C2CD3: variants seen among roughly 807,000 people sequenced by gnomAD.
The protein encoded by C2CD3 is C2 domain-containing protein 3.
C2CD3 carries 148 observed loss-of-function variants against 234.0 expected under a neutral mutation model. That is an observed-to-expected ratio of 0.63 (90% CI 0.55 to 0.72). The LOEUF (loss-of-function observed/expected upper bound fraction) is 0.72, where lower values mean the gene tolerates loss of function less well. C2CD3 is among the 30% of genes least tolerant of loss of function. C2CD3 has a pLI of 0.00. For missense variants in C2CD3, 2,577 were observed against 2,811.5 expected, an observed-to-expected ratio of 0.92 and a Z score of 1.89; for synonymous variants, 1,000 against 1,035.4, an observed-to-expected ratio of 0.97 and a Z score of 0.66.
intron 4 of C2CD3, 145 bp from the exon 5 acceptor site, chr11:74,139,112 T>A: frequency 1.6e-6 from 1 of 620,562 alleles, no homozygotes; most frequent in Non-Finnish European, 2.8e-6. Flanking sequence ...TACAACTTTG[T>A]AAATCTCTTT....
At chr11:74,136,741 A>G (rs564794913) in intron 5 of C2CD3, among the ~76,000 whole-genome samples, 222 of 152,232 alleles carry the variant, frequency 1.5e-3, no homozygotes, top group Non-Finnish European at 2.7e-3. Context: ...GAAGGAACAC[A>G]TCTCCTCTCC....
chr11:74,163,855 G>C (rs567802199), intron 2 of C2CD3, among the ~76,000 whole-genome samples: 1 of 152,302 alleles, frequency 6.6e-6, no homozygotes, highest in South Asian at 2.1e-4. Context: ...ATGTACACAT[G>C]AAGAATAAGG....
rs199662661 is a variant in C2CD3 at position 74,161,505 on chromosome 11, A to C, written c.377T>G (p.Ile126Ser). ...TAGTCCATTGATCTGAACTCTACCA[A>C]TTGGAAGACCATCAAGTTTGGTGAT... ...EVITKLDGLP[I>S]GRVQINGLAQ... Residue 126 changes from isoleucine to serine, a missense_variant, in exon 3 of 33, where the codon ATT (isoleucine) becomes AGT (serine). Coordinates refer to ENST00000334126, the MANE Select transcript of C2CD3 (RefSeq NM_001286577.2). 1.3e-6 allele frequency: 2 copies of C among 1,595,364 alleles called. No individual in the cohort carries two copies. Among genetic ancestry groups the C allele is most frequent in the Non-Finnish European group, 1.7e-6 (2 of 1,170,536 alleles).
Position 74,032,469 on chromosome 11 carries a change from A to C in C2CD3, c.6809+882T>G, listed in dbSNP as rs948406702. 1.3e-5 allele frequency among the ~76,000 whole-genome samples: 2 copies of C among 149,118 alleles called. 1 individual carries two copies. Among genetic ancestry groups the C allele is most frequent in the Admixed American group, 1.3e-4 (2 of 15,232 alleles). On this transcript the variant is annotated intron_variant, in intron 31 of 32. Transcript: ENST00000334126. ...TGCCAGTCTGTGTTTAAAAGGAAGG[A>C]GTGGGGAATGTCAGGTGCCCCCTGT...
chr11:74,082,258 G>A (rs2135470917), intron 22 of C2CD3, among the ~76,000 whole-genome samples: 1 of 151,962 alleles, frequency 6.6e-6, no homozygotes, highest in East Asian at 1.9e-4. Flanking sequence ...TGGGACCACA[G>A]GCGCCTGCTA....
chr11:74,085,926 A>G (rs1321631176), intron 20 of C2CD3, 40 bp from the exon 21 acceptor site: 2 of 1,552,280 alleles, frequency 1.3e-6, no homozygotes, highest in Non-Finnish European at 1.7e-6. Flanking sequence ...ATACCATGGT[A>G]ACATTAGAAA....
At chr11:74,094,024 A>G (rs764170236) in intron 17 of C2CD3, 25 bp from the exon 18 acceptor site, 1 of 1,588,772 alleles carries the variant, frequency 6.3e-7, no homozygotes, top group Non-Finnish European at 8.6e-7. Flanking sequence ...AGCATTTCAG[A>G]ATAATCCAAC....
At chr11:74,120,616 G>A (rs1234960856) in intron 8 of C2CD3, among the ~76,000 whole-genome samples, 2 of 152,176 alleles carry the variant, frequency 1.3e-5, no homozygotes, top group Non-Finnish European at 2.9e-5. Flanking sequence ...ATGGTAGCAT[G>A]ATTTATAATC....
At chr11:74,119,687 G>A (rs949290960) in intron 8 of C2CD3, among the ~76,000 whole-genome samples, 1 of 149,902 alleles carries the variant, frequency 6.7e-6, no homozygotes, top group African/African-American at 2.5e-5. Flanking sequence ...CCAGGCTGGA[G>A]TGCAGTGGCG....
chr11:74,044,560 A>G (rs1953263632), intron 28 of C2CD3, among the ~76,000 whole-genome samples: 1 of 152,030 alleles, frequency 6.6e-6, no homozygotes, highest in South Asian at 2.1e-4. Context: ...CAGTTTTAAA[A>G]TTTTTATTTA....
At chr11:74,072,127 T>G (rs1390284475) in intron 24 of C2CD3, among the ~76,000 whole-genome samples, 1 of 152,250 alleles carries the variant, frequency 6.6e-6, no homozygotes, top group African/African-American at 2.4e-5. Flanking sequence ...AATGGCTGCT[T>G]TGGTGGGGCA....
At chr11:74,066,988 A>C (rs942514418) in intron 24 of C2CD3, among the ~76,000 whole-genome samples, 37 of 152,194 alleles carry the variant, frequency 2.4e-4, no homozygotes, top group African/African-American at 8.7e-4. Context: ...AAATTCATGA[A>C]GGTTTTATAT....
rs752512086 is a variant in C2CD3, at chr11:74,170,750, G to T, written c.43C>A (p.Arg15Ser). The T allele has an allele frequency of 9.3e-6, 15 of 1,613,336 alleles. No individual in the cohort carries two copies. The African/African-American group carries it at 2.0e-4, about 22-fold the overall frequency. The stretch of plus-strand genomic sequence containing the variant: ...TCGCTCAGGTTACCTCTTTTTTTGC[G>T]CCCACGGCTGCCCCCAGACCCTTGG... ...KGQGSGGSRG[R>S]KKRGLSDISP... The change falls in exon 1 of 33, where the codon CGC (arginine) becomes AGC (serine). Residue 15 changes from arginine (R) to serine (S), a missense_variant. Coordinates refer to ENST00000334126, the MANE Select transcript of C2CD3 (RefSeq NM_001286577.2).
chr11:74,042,140 A>G lies in C2CD3; in HGVS notation c.5574T>C (p.His1858=), dbSNP rs1326140183. The stretch of plus-strand genomic sequence containing the variant: ...ATGGCAAGGGTGCCTCTCCCTGAAG[A>G]TGCAGGGATTCATGAAACCGGCGAA... ...QNIRRFHESL[H]LQGEAPLPCD... The change falls in exon 29 of 33, where the codon CAT becomes CAC. Residue 1858 remains histidine, a synonymous_variant. Coordinates refer to ENST00000334126, the MANE Select transcript of C2CD3 (RefSeq NM_001286577.2). The G allele has an allele frequency of 2.5e-6, 4 of 1,612,350 alleles. No homozygotes were observed. Among genetic ancestry groups the G allele is most frequent in the Non-Finnish European group, 3.4e-6 (4 of 1,179,410 alleles).
chr11:74,085,174 C>G (rs369893743), intron 21 of C2CD3, among the ~76,000 whole-genome samples: 5 of 147,138 alleles, frequency 3.4e-5, no homozygotes, highest in Admixed American at 2.7e-4. Flanking sequence ...GTCTCACTCT[C>G]TCATCCAGGC....
At chr11:74,135,205 T>C (rs1957820323) in intron 5 of C2CD3, among the ~76,000 whole-genome samples, 1 of 152,154 alleles carries the variant, frequency 6.6e-6, no homozygotes, top group Non-Finnish European at 1.5e-5. Context: ...TACTTCGTCC[T>C]AGTGATTCAA....
chr11:74,158,041 T>G (rs775143000), intron 3 of C2CD3, among the ~76,000 whole-genome samples: 5 of 152,108 alleles, frequency 3.3e-5, no homozygotes, highest in Non-Finnish European at 7.4e-5. Flanking sequence ...AAGCTAAAAG[T>G]GGACTAGACT....
chr11:74,152,013 G>A (rs2135558646), intron 3 of C2CD3, among the ~76,000 whole-genome samples: 1 of 152,192 alleles, frequency 6.6e-6, no homozygotes, highest in South Asian at 2.1e-4. Flanking sequence ...ACTATAAAAC[G>A]AAATACACAG....
intron 32 of C2CD3, among the ~76,000 whole-genome samples, chr11:74,018,756 T>C (rs972022573): frequency 2.0e-5 from 3 of 152,192 alleles, no homozygotes; most frequent in African/African-American, 7.2e-5. Context: ...ACAAGGCACT[T>C]AGACTAGAGG....
Sources: allele counts gnomAD v4.1 joint callset (sites outside exome capture counted in the v4.1 genomes callset), GRCh38; gene constraint gnomAD v4.1.1; transcripts MANE v1.5; gene names NCBI Gene and HGNC (gene_info 2026-07-23, HGNC 2026-07-21).